The following TAFA2 variants were observed in gnomAD, a reference collection of about 807,000 sequenced individuals.
TAFA2 encodes TAFA chemokine like family member 2, also known as chemokine-like protein TAFA-2.
Under a neutral mutation model 18.8 loss-of-function variants are expected in TAFA2, and 7 were observed. The observed-to-expected ratio is 0.37, with a 90% CI of 0.21 to 0.70. The LOEUF (loss-of-function observed/expected upper bound fraction) is 0.70, where lower values mean the gene tolerates loss of function less well. TAFA2 is among the 30% of genes least tolerant of loss of function. The pLI is 0.53. For synonymous variants in TAFA2, 60 were observed against 54.2 expected, an observed-to-expected ratio of 1.11 and a Z score of -0.47; for missense variants, 122 against 158.1, an observed-to-expected ratio of 0.77 and a Z score of 1.23.
intron 1 of TAFA2, among the ~76,000 whole-genome samples, chr12:62,052,916 A>G (rs1882093865): frequency 6.6e-6 from 1 of 152,250 alleles, no homozygotes; most frequent in Non-Finnish European, 1.5e-5. Context: ...CTGAGAAGTC[A>G]GTTCATTCTG....
chr12:62,182,733 T>C (rs1218825086), intron 1 of TAFA2, among the ~76,000 whole-genome samples: 1 of 152,238 alleles, frequency 6.6e-6, no homozygotes, highest in Admixed American at 6.5e-5. Flanking sequence ...GGACAGACCT[T>C]GTGAGCTAGA....
At chr12:62,207,643 A>G (rs74705191) in intron 1 of TAFA2, among the ~76,000 whole-genome samples, 3,355 of 152,162 alleles carry the variant, frequency 0.022, 126 homozygotes, top group African/African-American at 0.075. Flanking sequence ...ATGAAGTCCA[A>G]TTTTCTCCAA....
intron 1 of TAFA2, among the ~76,000 whole-genome samples, chr12:62,251,616 G>A (rs746808929): frequency 3.9e-5 from 6 of 152,158 alleles, no homozygotes; most frequent in South Asian, 2.1e-4. Flanking sequence ...AAGAAAGGAA[G>A]CAAACAAGAT....
intron 2 of TAFA2, among the ~76,000 whole-genome samples, chr12:61,833,870 T>G (rs1230599174): frequency 6.6e-6 from 1 of 151,988 alleles, no homozygotes; most frequent in African/African-American, 2.4e-5. Flanking sequence ...AACCTGACTG[T>G]GCATCAGAAT....
chr12:62,078,733 T>G (rs1408228490), intron 1 of TAFA2, among the ~76,000 whole-genome samples: 2 of 152,342 alleles, frequency 1.3e-5, no homozygotes, highest in Middle Eastern at 3.4e-3. Context: ...GCTCCTCCCT[T>G]GTCTTGCTAG....
At chr12:62,151,346 G>A (rs116976443) in intron 1 of TAFA2, among the ~76,000 whole-genome samples, 2 of 152,254 alleles carry the variant, frequency 1.3e-5, no homozygotes, top group African/African-American at 2.4e-5. Context: ...TTCCTCTTGC[G>A]GGTTAGTCCT....
chr12:62,205,573 G>A (rs1246625043), intron 1 of TAFA2, among the ~76,000 whole-genome samples: 4 of 152,222 alleles, frequency 2.6e-5, no homozygotes, highest in Non-Finnish European at 5.9e-5. Context: ...GAGGAGGGAT[G>A]GGTCAGGGTC....
At chr12:61,831,907 T>C (rs1241672136) in intron 2 of TAFA2, among the ~76,000 whole-genome samples, 1 of 151,988 alleles carries the variant, frequency 6.6e-6, no homozygotes, top group Admixed American at 6.6e-5. Flanking sequence ...AAATGAGCGG[T>C]CTGAAATATT....
intron 1 of TAFA2, among the ~76,000 whole-genome samples, chr12:62,173,631 G>T (rs146837637): frequency 1.1e-3 from 171 of 152,226 alleles, no homozygotes; most frequent in African/African-American, 3.9e-3. Context: ...TCTCCCACAT[G>T]CCATGGATTA....
chr12:62,160,327 C>A (rs1269668605), intron 1 of TAFA2, among the ~76,000 whole-genome samples: 1 of 152,134 alleles, frequency 6.6e-6, no homozygotes, highest in African/African-American at 2.4e-5. Context: ...TACAAAGGTC[C>A]AATGTTACCT....
intron 2 of TAFA2, among the ~76,000 whole-genome samples, chr12:61,864,505 C>G (rs754875452): frequency 3.6e-4 from 55 of 151,140 alleles, no homozygotes; most frequent in Middle Eastern, 3.5e-3. Context: ...AAAAAGCTAT[C>G]AAAAGCTTGC....
rs11174217 is a variant in TAFA2 at position 61,887,270 on chromosome 12, G to A, written c.-1-19844C>T. On this transcript the variant is annotated intron_variant, in intron 1 of 4. Coordinates refer to ENST00000416284, the MANE Select transcript of TAFA2 (RefSeq NM_178539.5). ...CTGGCAGGGAAGTCTGGAGTACTAT[G>A]TCTACCTTGACAGCTTATTACCTAC... Among the ~76,000 whole-genome samples, 43 of 152,260 alleles carry A rather than the reference G, an allele frequency of 2.8e-4. No individual in the cohort carries two copies. The East Asian group carries it at 6.8e-3, about 24-fold the overall frequency.
chr12:61,785,304 G>A (rs1209622810), intron 2 of TAFA2, among the ~76,000 whole-genome samples: 1 of 142,818 alleles, frequency 7.0e-6, no homozygotes, highest in East Asian at 2.1e-4. Flanking sequence ...ATTCCTTTAT[G>A]GCTGAATAGT....
intron 1 of TAFA2, among the ~76,000 whole-genome samples, chr12:62,035,723 A>G (rs1485330725): frequency 7.3e-6 from 1 of 136,486 alleles, no homozygotes. Flanking sequence ...CTAGGGGTCA[A>G]TGATTCTTTC....
At chr12:62,233,094 TTTTTG>T in intron 1 of TAFA2, among the ~76,000 whole-genome samples, 1 of 138,562 alleles carries the variant, frequency 7.2e-6, no homozygotes, top group African/African-American at 2.8e-5. Context: ...TTTTTTTTTT[TTTTTG>T]AGATACAGCC....
rs938004941 is a variant in TAFA2, at chr12:61,708,515, T to C, written c.*1891A>G. ...GGACAAATTCATAATTTCCAAAAAGTATAGTTTTTCACTTGGTTACAAAGA... is the reference window on the plus strand; with the variant it reads ...GGACAAATTCATAATTTCCAAAAAGCATAGTTTTTCACTTGGTTACAAAGA... On this transcript the variant is annotated 3_prime_UTR_variant, in exon 5 of 5. Coordinates refer to ENST00000416284, the MANE Select transcript of TAFA2 (RefSeq NM_178539.5). 2.0e-5 allele frequency: 3 copies of C among 152,036 alleles called. No individual in the cohort carries two copies. Among genetic ancestry groups the C allele is most frequent in the African/African-American group, 4.8e-5 (2 of 41,424 alleles). 9.4% of individuals were successfully genotyped at this position (152,036 alleles called of 1,614,324 possible).
chr12:61,813,162 T>C (rs1016504765), intron 2 of TAFA2, among the ~76,000 whole-genome samples: 7 of 151,328 alleles, frequency 4.6e-5, no homozygotes, highest in Admixed American at 4.6e-4. Flanking sequence ...TTACTATCAT[T>C]ATATGACAAA....
intron 1 of TAFA2, among the ~76,000 whole-genome samples, chr12:62,064,948 T>C (rs553869026): frequency 6.6e-6 from 1 of 152,154 alleles, no homozygotes; most frequent in African/African-American, 2.4e-5. Context: ...CCATTGTCTA[T>C]GTTTCTCTAA....
chr12:61,805,830 T>C (rs939948778), intron 2 of TAFA2, among the ~76,000 whole-genome samples: 8 of 152,186 alleles, frequency 5.3e-5, no homozygotes, highest in African/African-American at 1.9e-4. Flanking sequence ...TGAGCTGAGA[T>C]GATAAGATTT....
Sources: gnomAD v4.1 joint callset for allele counts (sites outside exome capture counted in the v4.1 genomes callset) on GRCh38, gnomAD v4.1.1 for gene constraint, MANE v1.5 for transcripts, NCBI Gene and HGNC (gene_info 2026-07-23, HGNC 2026-07-21) for gene names.